The following GC variants were observed in gnomAD, a reference collection of about 807,000 sequenced individuals.
GC encodes the protein GC vitamin D binding protein, also known as vitamin D-binding protein.
In GC, 43 loss-of-function variants were observed where a neutral mutation model predicts 56.7. The observed-to-expected ratio is 0.76, with a 90% confidence interval of 0.59 to 0.98. The LOEUF (loss-of-function observed/expected upper bound fraction) is 0.98, where lower values mean the gene tolerates loss of function less well. GC is among the 50% of genes least tolerant of loss of function. The pLI is 0.00. For synonymous variants in GC, 216 were observed against 202.7 expected, an observed-to-expected ratio of 1.07 and a Z score of -0.56; for missense variants, 529 against 545.9, an observed-to-expected ratio of 0.97 and a Z score of 0.31.
At chr4:71,790,146 C>A (rs1742933729) in intron 1 of GC, among the ~76,000 whole-genome samples, 1 of 152,028 alleles carries the variant, frequency 6.6e-6, no homozygotes, top group Non-Finnish European at 1.5e-5. Context: ...AATACTTTGT[C>A]TCGAAATCTG....
At chr4:71,746,344 T>A in intron 11 of GC, 139 bp from the exon 12 acceptor site, 1 of 530,082 alleles carries the variant, frequency 1.9e-6, no homozygotes, top group Non-Finnish European at 3.5e-6. Context: ...TACATTGCAG[T>A]TTTTTATTAG....
rs374208796 is a variant in GC, at chr4:71,763,435, G to C, written c.674C>G (p.Ala225Gly). Residue 225 changes from alanine (A) to glycine (G), a missense_variant, in exon 6 of 13, where the codon GCT (alanine) becomes GGT (glycine). Coordinates refer to ENST00000273951, the MANE Select transcript of GC (RefSeq NM_000583.4). ...LSNRVCSQYA[A>G]YGEKKSRLSN... ...GAGCCTTGATTTCTTCTCCCCATAA[G>C]CAGCATATTGTGAGCAGACTCTATT... 8 of 1,599,424 alleles carry C rather than the reference G, an allele frequency of 5.0e-6. No homozygotes were observed. The African/African-American group carries it at 1.1e-4, about 21-fold the overall frequency.
At chr4:71,795,768 T>G (rs1032956363) in intron 1 of GC, among the ~76,000 whole-genome samples, 2 of 152,240 alleles carry the variant, frequency 1.3e-5, no homozygotes, top group African/African-American at 4.8e-5. Context: ...GCTTTACAAT[T>G]TGGCATGTTT....
At chr4:71,758,710 TA>T (rs1741868630) in intron 6 of GC, among the ~76,000 whole-genome samples, 1 of 152,224 alleles carries the variant, frequency 6.6e-6, no homozygotes, top group Non-Finnish European at 1.5e-5. Flanking sequence ...TAACATTAAA[TA>T]TTTTTTCAAT....
chr4:71,760,735 G>A (rs776984693), intron 6 of GC, among the ~76,000 whole-genome samples: 8 of 152,158 alleles, frequency 5.3e-5, no homozygotes, highest in Non-Finnish European at 7.3e-5. Context: ...TTCCTGAGCT[G>A]TTCCCGTGAC....
At chr4:71,804,025 C>A in exon 1 of GC, 1 of 900,072 alleles carries the variant, frequency 1.1e-6, no homozygotes, top group Middle Eastern at 2.1e-4. Flanking sequence ...AGTAAGCAAT[C>A]TCTTTGAAAA....
At chr4:71,804,057 G>T (rs190021233), upstream of GC, 2 of 750,316 alleles carry the variant, frequency 2.7e-6, no homozygotes, top group East Asian at 2.7e-5. Context: ...GAGCATCAAC[G>T]TTGGTCTTAG....
intron 10 of GC, 66 bp downstream of exon 10, chr4:71,754,345 C>T (rs1243036837): frequency 3.0e-5 from 23 of 757,828 alleles, no homozygotes; most frequent in Non-Finnish European, 4.5e-6. Context: ...ACTATGCTTT[C>T]AATTCATAGT....
intron 1 of GC, among the ~76,000 whole-genome samples, chr4:71,780,982 A>T (rs551148712): frequency 6.6e-6 from 1 of 152,228 alleles, no homozygotes; most frequent in East Asian, 1.9e-4. Context: ...CTTGGAACCA[A>T]CCCAAATGTC....
rs1454490432 is a variant in GC, at chr4:71,758,114, T to C, written c.759A>G (p.Pro253=). ...GGATGTTAGTAATATCTTCAGCTAG[T>C]GGCAAAACATCCTCCAGATCAGCAG... ...VPTADLEDVL[P]LAEDITNILS... Residue 253 remains proline (P), a synonymous_variant, in exon 7 of 13, where the codon CCA becomes CCG. Coordinates refer to ENST00000273951, the MANE Select transcript of GC (RefSeq NM_000583.4). 3.1e-6 allele frequency: 5 copies of C among 1,613,154 alleles called. No homozygotes were observed. The highest frequency in any genetic ancestry group is 3.3e-5 in the Admixed American group (2 of 59,986).
intron 5 of GC, 39 bp downstream of exon 5, chr4:71,763,764 GA>G (rs1158856070): frequency 5.9e-6 from 9 of 1,537,488 alleles, no homozygotes; most frequent in Non-Finnish European, 7.9e-6. Context: ...GCTATTAGAA[GA>G]AAAAAACGTA....
In GC at chr4:71,781,109, A is replaced by G. The variant is rs192573609; in HGVS notation, c.58+2852T>C. ...AGGGACATGGGTGAAGCTGGAAACC[A>G]TCATTCTGAGCAAACTATCACAAGG... On this transcript the variant is annotated intron_variant, in intron 1 of 12. Transcript: ENST00000273951. Among the ~76,000 whole-genome samples, 13 of 152,218 alleles carry G rather than the reference A, an allele frequency of 8.5e-5. No individual in the cohort carries two copies. The East Asian group carries it at 2.3e-3, about 27-fold the overall frequency.
In GC at chr4:71,741,711, T is replaced by C; in HGVS notation, c.*185A>G. ...AGTCATATTTATGGTTTGCATTATA[T>C]TTCAATTTATTTTGATAGCAAATCA... On this transcript the variant is annotated 3_prime_UTR_variant, in exon 13 of 13. Coordinates refer to ENST00000273951, the MANE Select transcript of GC (RefSeq NM_000583.4). 1 of 664,694 alleles carries C rather than the reference T, an allele frequency of 1.5e-6. No individual in the cohort carries two copies. Among genetic ancestry groups the C allele is most frequent in the South Asian group, 1.7e-5 (1 of 60,200 alleles). 41.2% of individuals were successfully genotyped at this position (664,694 alleles called of 1,614,324 possible).
At chr4:71,804,560 G>C (rs1040261895), upstream of GC, among the ~76,000 whole-genome samples, 44 of 151,782 alleles carry the variant, frequency 2.9e-4, no homozygotes, top group Non-Finnish European at 3.7e-4. Context: ...ATGAGGTATT[G>C]ACTGGCCTCC....
At chr4:71,764,227 C>A (rs536769496) in intron 4 of GC, among the ~76,000 whole-genome samples, 1 of 152,080 alleles carries the variant, frequency 6.6e-6, no homozygotes, top group Non-Finnish European at 1.5e-5. Context: ...AGTGATCCTC[C>A]GACCTCAGCC....
chr4:71,768,873 T>A (rs1742259288), intron 2 of GC, among the ~76,000 whole-genome samples: 1 of 152,184 alleles, frequency 6.6e-6, no homozygotes, highest in African/African-American at 2.4e-5. Flanking sequence ...ATGAAAAAAA[T>A]GAGGTTTAAT....
chr4:71,764,088 C>T (rs768781169), intron 4 of GC, 152 bp from the exon 5 acceptor site: 3 of 605,800 alleles, frequency 5.0e-6, no homozygotes, highest in Admixed American at 2.8e-5. Context: ...CTCAAGCGAT[C>T]CTCCTGCTTC....
chr4:71,802,456 C>A (rs906826901), intron 1 of GC, among the ~76,000 whole-genome samples: 1 of 152,044 alleles, frequency 6.6e-6, no homozygotes, highest in African/African-American at 2.4e-5. Flanking sequence ...TTAGCACTTG[C>A]AATATTAATA....
At chr4:71,783,631 G>T (rs1375265527) in intron 1 of GC, among the ~76,000 whole-genome samples, 1 of 151,664 alleles carries the variant, frequency 6.6e-6, no homozygotes, top group Non-Finnish European at 1.5e-5. Context: ...GTCTTTATTT[G>T]CATTATCTTG....
Sources: allele counts gnomAD v4.1 joint callset (sites outside exome capture counted in the v4.1 genomes callset), GRCh38; gene constraint gnomAD v4.1.1; transcripts MANE v1.5; gene names NCBI Gene and HGNC (gene_info 2026-07-23, HGNC 2026-07-21).